Variants in AGBL1 observed in about 807,000 individuals in gnomAD.
The protein encoded by AGBL1 is AGBL carboxypeptidase 1, also known as cytosolic carboxypeptidase 4.
A neutral mutation model predicts 118.9 loss-of-function variants in AGBL1; 130 were observed. That is an observed-to-expected ratio of 1.09 (90% confidence interval 0.95 to 1.26). AGBL1 has a LOEUF of 1.26. Among genes scored for constraint, AGBL1 ranks in the 50% most tolerant of loss-of-function variants. The pLI is 0.00. For synonymous variants in AGBL1, 555 were observed against 478.9 expected (o/e 1.16, Z -2.08); for missense variants, 1,584 against 1,298.1 (o/e 1.22, Z -3.38).
At position 86,117,324 on chromosome 15, in the gene AGBL1, C is replaced by G. The variant is rs532351575; in HGVS notation, c.52-24680C>G. On this transcript the variant is annotated intron_variant, in intron 1 of 22. Transcript: ENST00000614907. The stretch of plus-strand genomic sequence containing the variant: ...CTGCTCTCCTGACCAACTTTTTTTT[C>G]CCTTTATTTCTCAGTATTTGAGAAT... 1.1e-4 allele frequency among the ~76,000 whole-genome samples: 17 copies of G among 152,010 alleles called. No homozygotes were observed. In the East Asian group the frequency reaches 3.3e-3, roughly 29 times the overall value.
intron 18 of AGBL1, among the ~76,000 whole-genome samples, chr15:86,498,462 T>C (rs538345554): frequency 2.6e-5 from 4 of 151,948 alleles, no homozygotes; most frequent in South Asian, 4.1e-4. Flanking sequence ...TTCTCACCTA[T>C]TGGCAAGAAA....
At chr15:86,944,347 C>T (rs186564378) in intron 23 of AGBL1, among the ~76,000 whole-genome samples, 75 of 151,982 alleles carry the variant, frequency 4.9e-4, no homozygotes, top group Admixed American at 2.6e-3. Context: ...CCACTGCACT[C>T]CAGCCTGGGC....
intron 22 of AGBL1, among the ~76,000 whole-genome samples, chr15:86,859,318 G>T (rs1375788189): frequency 6.6e-6 from 1 of 152,310 alleles, no homozygotes; most frequent in East Asian, 1.9e-4. Flanking sequence ...CTGTGCAAAG[G>T]ATATTCATGG....
At chr15:86,763,440 A>G (rs1256824739) in intron 22 of AGBL1, among the ~76,000 whole-genome samples, 1 of 152,036 alleles carries the variant, frequency 6.6e-6, no homozygotes, top group African/African-American at 2.4e-5. Flanking sequence ...TACAAAAATT[A>G]TACTCACTTT....
chr15:86,397,574 C>A, intron 18 of AGBL1, 28 bp downstream of exon 18: 1 of 1,578,816 alleles, frequency 6.3e-7, no homozygotes, highest in Non-Finnish European at 8.6e-7. Flanking sequence ...CTCAGCCAAA[C>A]CCACAATTAT....
At chr15:86,159,557 T>A (rs2077237947) in intron 5 of AGBL1, among the ~76,000 whole-genome samples, 1 of 152,106 alleles carries the variant, frequency 6.6e-6, no homozygotes, top group Admixed American at 6.6e-5. Flanking sequence ...TTTTTATGAT[T>A]GGAAAATGAA....
chr15:86,562,269 G>A (rs1447488736), intron 21 of AGBL1, among the ~76,000 whole-genome samples: 1 of 152,158 alleles, frequency 6.6e-6, no homozygotes, highest in Non-Finnish European at 1.5e-5. Context: ...GTATGATATT[G>A]GCTGTGGGTT....
intron 21 of AGBL1, among the ~76,000 whole-genome samples, chr15:86,631,834 T>C (rs1237633155): frequency 6.6e-6 from 1 of 152,122 alleles, no homozygotes; most frequent in Non-Finnish European, 1.5e-5. Context: ...TCCATCCCCT[T>C]TTGTTGATGG....
chr15:86,876,750 T>C (rs1296519618), intron 22 of AGBL1, among the ~76,000 whole-genome samples: 1 of 151,848 alleles, frequency 6.6e-6, no homozygotes, highest in Non-Finnish European at 1.5e-5. Flanking sequence ...AACAAGAAAA[T>C]ATATATTTAC....
rs117957151 is a variant in AGBL1, at chr15:86,697,123, T to C, written c.3158+22687T>C. ...ATTTCCCAGGTGTTCTTTCAACTTC[T>C]TGTATTTGGATGTCTAGTTCTCTAG... On this transcript the variant is annotated intron_variant, in intron 22 of 22. Coordinates refer to ENST00000614907, the MANE Select transcript of AGBL1 (RefSeq NM_001386094.1). Among the ~76,000 whole-genome samples, 704 of 152,120 alleles carry C rather than the reference T, an allele frequency of 4.6e-3. 6 individuals carry two copies. The highest frequency in any genetic ancestry group is 0.022 in the East Asian group (114 of 5,164).
At chr15:86,897,396 T>G (rs1019129867) in intron 22 of AGBL1, among the ~76,000 whole-genome samples, 20 of 152,290 alleles carry the variant, frequency 1.3e-4, no homozygotes, top group South Asian at 1.2e-3. Context: ...AGTTTTTCTG[T>G]ATATGAGATT....
chr15:86,736,293 T>C (rs2141225782), intron 22 of AGBL1, among the ~76,000 whole-genome samples: 1 of 151,816 alleles, frequency 6.6e-6, no homozygotes, highest in East Asian at 1.9e-4. Flanking sequence ...GGCAGGAGAA[T>C]GGCTTGAACC....
intron 16 of AGBL1, among the ~76,000 whole-genome samples, chr15:86,286,726 T>TG (rs2079455646): frequency 1.5e-5 from 2 of 132,916 alleles, no homozygotes; most frequent in African/African-American, 3.3e-5. Flanking sequence ...TGTGTGTGTG[T>TG]TTGTGTGTGT....
At chr15:86,367,905 C>G (rs754805360) in intron 17 of AGBL1, among the ~76,000 whole-genome samples, 1 of 152,094 alleles carries the variant, frequency 6.6e-6, no homozygotes, top group Admixed American at 6.5e-5. Context: ...GGCTCTAAGA[C>G]TAGAAGGAGA....
At chr15:86,858,205 G>A (rs1014660541) in intron 22 of AGBL1, among the ~76,000 whole-genome samples, 2 of 152,150 alleles carry the variant, frequency 1.3e-5, no homozygotes, top group African/African-American at 4.8e-5. Context: ...TCACAGAAAA[G>A]AAGGCAAAAG....
intron 2 of AGBL1, 33 bp from the exon 3 acceptor site, chr15:86,143,666 T>A: frequency 6.2e-7 from 1 of 1,609,210 alleles, no homozygotes; most frequent in South Asian, 1.1e-5. Flanking sequence ...GGATTATTAC[T>A]TGTGGCTCAT....
chr15:86,379,975 T>G (rs2081089820), intron 17 of AGBL1, among the ~76,000 whole-genome samples: 4 of 152,242 alleles, frequency 2.6e-5, no homozygotes, highest in Admixed American at 2.0e-4. Context: ...ACTTGATTTG[T>G]AAAATATTCA....
chr15:86,158,922 G>GT lies in AGBL1; in HGVS notation c.395-6dup. Reference sequence around the variant, plus strand: ...TTGTGACCATAACTACTGTGCTTTTGTTTTTCTTAGTCTCCATGGGAGCCA... The same window carrying GT: ...TTGTGACCATAACTACTGTGCTTTTGTTTTTTCTTAGTCTCCATGGGAGCCA... On this transcript the variant is annotated splice_polypyrimidine_tract_variant and intron_variant, in intron 4 of 22. Transcript: ENST00000614907. 1 of 1,612,546 alleles carries GT rather than the reference G, an allele frequency of 6.2e-7. No homozygotes were observed. Among genetic ancestry groups the GT allele is most frequent in the Admixed American group, 1.7e-5 (1 of 59,972 alleles).
At chr15:86,146,176 T>C (rs1188093241) in intron 3 of AGBL1, among the ~76,000 whole-genome samples, 1 of 152,218 alleles carries the variant, frequency 6.6e-6, no homozygotes, top group African/African-American at 2.4e-5. Flanking sequence ...TAGTTGGTCT[T>C]CCATTTCTGT....
Sources: gnomAD v4.1 joint callset for allele counts (sites outside exome capture counted in the v4.1 genomes callset) on GRCh38, gnomAD v4.1.1 for gene constraint, MANE v1.5 for transcripts, NCBI Gene and HGNC (gene_info 2026-07-23, HGNC 2026-07-21) for gene names.